Variants in CNTN5 observed in about 807,000 individuals in gnomAD.
CNTN5 encodes contactin-5.
Under a neutral mutation model 129.1 loss-of-function variants are expected in CNTN5, and 77 were observed. That is an observed-to-expected ratio of 0.60 (90% confidence interval 0.50 to 0.72). The LOEUF (loss-of-function observed/expected upper bound fraction) is 0.72. Ranked by LOEUF, CNTN5 falls within the 30% of genes least tolerant of loss-of-function variation. The pLI, the probability that CNTN5 is intolerant of heterozygous loss-of-function variation, is 0.00. For synonymous variants in CNTN5, 509 were observed against 465.6 expected, an observed-to-expected ratio of 1.09 and a Z score of -1.20; for missense variants, 1,478 against 1,328.8, an observed-to-expected ratio of 1.11 and a Z score of -1.75.
chr11:99,243,318 T>C (rs1861654334), intron 1 of CNTN5, among the ~76,000 whole-genome samples: 1 of 152,126 alleles, frequency 6.6e-6, no homozygotes, highest in Non-Finnish European at 1.5e-5. Flanking sequence ...TATTTGGGTT[T>C]TGTCAGTTTA....
chr11:100,127,529 T>A (rs2138192342), intron 13 of CNTN5, among the ~76,000 whole-genome samples: 1 of 152,126 alleles, frequency 6.6e-6, no homozygotes, highest in Admixed American at 6.6e-5. Context: ...CTGGAAGTGG[T>A]TAAGTTCAAG....
intron 8 of CNTN5, among the ~76,000 whole-genome samples, chr11:99,989,778 T>C (rs1056616023): frequency 3.3e-5 from 5 of 152,190 alleles, no homozygotes; most frequent in African/African-American, 9.7e-5. Flanking sequence ...TTTTTTTGTG[T>C]GTGAGAGAAC....
chr11:99,135,584 T>C (rs191998899), intron 1 of CNTN5, among the ~76,000 whole-genome samples: 32 of 152,174 alleles, frequency 2.1e-4, no homozygotes, highest in East Asian at 1.2e-3. Context: ...CTAAGTGCAA[T>C]AGAAAGCCCT....
intron 1 of CNTN5, among the ~76,000 whole-genome samples, chr11:99,262,607 T>A (rs1488173450): frequency 4.6e-5 from 7 of 151,742 alleles, no homozygotes; most frequent in African/African-American, 1.7e-4. Context: ...TTTCTTTTTT[T>A]TTTTCTCTCT....
In CNTN5 at chr11:100,350,810, G is replaced by C; in HGVS notation, c.3139G>C (p.Ala1047Pro). The change falls in exon 24 of 25, where the codon GCA (alanine) becomes CCA (proline). Residue 1047 changes from alanine (A) to proline (P), a missense_variant. Physicochemically the swap from Ala to Pro is conservative, Grantham distance 27. Transcript: ENST00000524871. ...DAGVYIIEVR[A>P]YSEGGDGTAS... Reference sequence around the variant, plus strand: ...TGGAGTCTATATTATTGAAGTTCGAGCATATAGTGAAGGAGGAGATGGAAC... The same window carrying C: ...TGGAGTCTATATTATTGAAGTTCGACCATATAGTGAAGGAGGAGATGGAAC... 1 of 1,606,852 alleles carries C rather than the reference G, an allele frequency of 6.2e-7. No homozygotes were observed. The highest frequency in any genetic ancestry group is 8.5e-7 in the Non-Finnish European group (1 of 1,175,512).
chr11:99,754,154 G>C (rs1008678422), intron 3 of CNTN5, among the ~76,000 whole-genome samples: 1 of 152,134 alleles, frequency 6.6e-6, no homozygotes, highest in African/African-American at 2.4e-5. Context: ...ATTGCTTAGC[G>C]TGTGTATCTT....
intron 10 of CNTN5, among the ~76,000 whole-genome samples, chr11:100,064,829 G>A (rs1289741242): frequency 2.0e-5 from 3 of 152,058 alleles, no homozygotes; most frequent in Admixed American, 6.6e-5. Context: ...GCAGAACAAA[G>A]TAAGGAGAAA....
At chr11:99,415,285 G>T (rs1213319307) in intron 2 of CNTN5, among the ~76,000 whole-genome samples, 1 of 151,892 alleles carries the variant, frequency 6.6e-6, no homozygotes, top group Non-Finnish European at 1.5e-5. Flanking sequence ...GTTTAATGAA[G>T]CAGGGACAGT....
intron 2 of CNTN5, among the ~76,000 whole-genome samples, chr11:99,431,820 G>A (rs1002097564): frequency 3.3e-5 from 5 of 152,174 alleles, no homozygotes; most frequent in Non-Finnish European, 2.9e-5. Context: ...TTGAGGACTT[G>A]AGTATTTAAA....
At chr11:99,176,362 C>G (rs1486876112) in intron 1 of CNTN5, among the ~76,000 whole-genome samples, 1 of 152,160 alleles carries the variant, frequency 6.6e-6, no homozygotes, top group East Asian at 1.9e-4. Context: ...ATGACTTCTA[C>G]ATTTATTGCT....
chr11:99,823,741 ATAAAAT>A (rs1247299326), intron 4 of CNTN5, among the ~76,000 whole-genome samples: 3 of 152,182 alleles, frequency 2.0e-5, no homozygotes, highest in Non-Finnish European at 2.9e-5. Context: ...ATTTTTTGAC[ATAAAAT>A]TAAATTTGAG....
chr11:100,056,454 A>T (rs1249895007), intron 9 of CNTN5, among the ~76,000 whole-genome samples: 1 of 151,696 alleles, frequency 6.6e-6, no homozygotes, highest in Non-Finnish European at 1.5e-5. Flanking sequence ...AAATAATAGG[A>T]TAAATAGACA....
chr11:99,952,098 A>G (rs1201353435), intron 7 of CNTN5, among the ~76,000 whole-genome samples: 2 of 152,196 alleles, frequency 1.3e-5, no homozygotes, highest in Non-Finnish European at 2.9e-5. Flanking sequence ...ACACATCAGC[A>G]TTGTAAAATA....
chr11:99,998,296 C>A (rs1939597631), intron 8 of CNTN5, among the ~76,000 whole-genome samples: 1 of 151,890 alleles, frequency 6.6e-6, no homozygotes, highest in Non-Finnish European at 1.5e-5. Flanking sequence ...TGATAAGCAA[C>A]TTCAGCAAAG....
At position 99,215,771 on chromosome 11, in the gene CNTN5, G is replaced by T. The variant is rs79672799; in HGVS notation, c.-209-109575G>T. The stretch of plus-strand genomic sequence containing the variant: ...TTTGCTCTACTACTCTCTCAGACTG[G>T]TGCTTTTCAAAAGTAATGTGAATGG... On this transcript the variant is annotated intron_variant, in intron 1 of 24. Transcript: ENST00000524871. Among the ~76,000 whole-genome samples, 14 of 152,190 alleles carry T rather than the reference G, an allele frequency of 9.2e-5. No individual in the cohort carries two copies. The East Asian group carries it at 2.7e-3, about 29-fold the overall frequency.
At chr11:99,893,279 TA>T (rs916133763) in intron 6 of CNTN5, among the ~76,000 whole-genome samples, 1 of 152,128 alleles carries the variant, frequency 6.6e-6, no homozygotes, top group Admixed American at 6.6e-5. Flanking sequence ...TATAACACCC[TA>T]AAAAAGCACA....
chr11:100,284,087 C>G (rs958565328), intron 18 of CNTN5, among the ~76,000 whole-genome samples: 5 of 152,198 alleles, frequency 3.3e-5, no homozygotes, highest in Non-Finnish European at 5.9e-5. Flanking sequence ...TCTCCCTCTC[C>G]CAAGCAAACA....
At chr11:100,022,463 T>G (rs1174478878) in intron 9 of CNTN5, among the ~76,000 whole-genome samples, 1 of 152,226 alleles carries the variant, frequency 6.6e-6, no homozygotes. Flanking sequence ...TTATTCTATT[T>G]TATCTCTTTA....
At chr11:99,152,521 T>G (rs1860115869) in intron 1 of CNTN5, among the ~76,000 whole-genome samples, 1 of 152,238 alleles carries the variant, frequency 6.6e-6, no homozygotes, top group East Asian at 1.9e-4. Context: ...CCCTTTACTT[T>G]GAGCCTATGG....
Sources: gnomAD v4.1 joint callset for allele counts (sites outside exome capture counted in the v4.1 genomes callset) on GRCh38, gnomAD v4.1.1 for gene constraint, MANE v1.5 for transcripts, NCBI Gene and HGNC (gene_info 2026-07-23, HGNC 2026-07-21) for gene names.